MCPH1: variants seen among roughly 807,000 people sequenced by gnomAD.
MCPH1 encodes the protein microcephalin 1.
In MCPH1, 104 loss-of-function variants were observed where a neutral mutation model predicts 84.5. The observed-to-expected ratio is 1.23, with a 90% CI of 1.05 to 1.45. The LOEUF (loss-of-function observed/expected upper bound fraction) is 1.45. Among genes scored for constraint, MCPH1 ranks in the 40% most tolerant of loss-of-function variants. MCPH1 has a pLI of 0.00. For missense variants in MCPH1, 1,498 were observed against 1,005.7 expected, an observed-to-expected ratio of 1.49 and a Z score of -6.62; for synonymous variants, 514 against 366.8, an observed-to-expected ratio of 1.40 and a Z score of -4.58.
intron 12 of MCPH1, chr8:6,616,781 T>C (rs144848470): frequency 6.6e-6 from 1 of 152,412 alleles, no homozygotes; most frequent in African/African-American, 2.4e-5. Context: ...CTCTGACTAC[T>C]GAGCAGTCCT....
intron 11 of MCPH1, among the ~76,000 whole-genome samples, chr8:6,493,182 C>T (rs760146184): frequency 2.4e-4 from 36 of 152,180 alleles, no homozygotes; most frequent in Non-Finnish European, 1.0e-4. Context: ...CATGTGAGTA[C>T]AGTGGTGACA....
chr8:6,585,660 C>T lies in MCPH1; in HGVS notation c.2215-35794C>T, dbSNP rs139550657. Among the ~76,000 whole-genome samples, 709 of 152,278 alleles carry T rather than the reference C, an allele frequency of 4.7e-3. 4 individuals carry two copies. The highest frequency in any genetic ancestry group is 6.9e-3 in the Non-Finnish European group (471 of 68,014). On this transcript the variant is annotated intron_variant, in intron 12 of 13. Coordinates refer to ENST00000344683, the MANE Select transcript of MCPH1 (RefSeq NM_024596.5). The stretch of plus-strand genomic sequence containing the variant: ...TCACCTTAGTCATTTTGGCTGGATT[C>T]CCATACTCAATTAAATATCCTTCCT...
At chr8:6,406,948 C>G (rs1797803075) in intron 1 of MCPH1, 7 of 545,474 alleles carry the variant, frequency 1.3e-5, no homozygotes, top group Admixed American at 2.7e-5. Flanking sequence ...CCTGTCCCCC[C>G]AAACCCCCGA....
chr8:6,615,790 C>T (rs1830727451), intron 12 of MCPH1: 1 of 152,078 alleles, frequency 6.6e-6, no homozygotes. Flanking sequence ...GGACAGAGAA[C>T]AGGCTTGATG....
At chr8:6,578,354 T>C (rs2922861) in intron 12 of MCPH1, among the ~76,000 whole-genome samples, 85,725 of 152,072 alleles carry the variant, frequency 0.56, 24,624 homozygotes, top group East Asian at 0.87. Context: ...GCTTGAAGCC[T>C]AAAACTTTGG....
intron 12 of MCPH1, among the ~76,000 whole-genome samples, chr8:6,614,558 G>C (rs961895943): frequency 3.9e-5 from 6 of 152,224 alleles, no homozygotes; most frequent in Non-Finnish European, 8.8e-5. Flanking sequence ...TAAGTTATCA[G>C]AGGACATTAG....
At chr8:6,609,431 T>C (rs796349682) in intron 12 of MCPH1, among the ~76,000 whole-genome samples, 3 of 152,346 alleles carry the variant, frequency 2.0e-5, no homozygotes, top group African/African-American at 4.8e-5. Context: ...CCAAGACGAT[T>C]ATGTTCCCAT....
chr8:6,626,349 A>C, intron 13 of MCPH1: 1 of 985,046 alleles, frequency 1.0e-6, no homozygotes, highest in Non-Finnish European at 1.2e-6. Flanking sequence ...AAAGGGCATG[A>C]TTACGTTCCC....
intron 12 of MCPH1, among the ~76,000 whole-genome samples, chr8:6,549,604 T>C (rs2515494): frequency 0.99 from 148,666 of 150,450 alleles, 73,448 homozygotes; most frequent in Non-Finnish European, 1. Flanking sequence ...GCATCTTGAG[T>C]TGGGCGGTCG....
At chr8:6,457,708 G>A (rs944973651) in intron 9 of MCPH1, among the ~76,000 whole-genome samples, 3 of 152,160 alleles carry the variant, frequency 2.0e-5, no homozygotes, top group African/African-American at 2.4e-5. Context: ...TGGAGGGGAC[G>A]AACACCTAGT....
chr8:6,502,818 T>A (rs925281161), intron 12 of MCPH1: 6 of 427,042 alleles, frequency 1.4e-5, no homozygotes, highest in South Asian at 3.4e-5. Context: ...GACAGCAGCG[T>A]CTGTAAACTG....
rs554658054 is a variant in MCPH1 at position 6,468,507 on chromosome 8, C to T, written c.1936-9087C>T. On this transcript the variant is annotated intron_variant, in intron 9 of 13. Transcript: ENST00000344683. ...TCCACAAGGAGCAAGGAGCTAGGTG[C>T]ATGTGTAGACCCCATGGGAGCTTTA... 2.9e-4 allele frequency among the ~76,000 whole-genome samples: 44 copies of T among 152,312 alleles called. 1 individual carries two copies. In the South Asian group the frequency reaches 7.9e-3, roughly 27 times the overall value.
At chr8:6,425,008 C>G (rs1489992594) in intron 3 of MCPH1, among the ~76,000 whole-genome samples, 5 of 152,198 alleles carry the variant, frequency 3.3e-5, no homozygotes, top group African/African-American at 1.2e-4. Context: ...GATACTGGTG[C>G]TGGGCAGTTT....
chr8:6,548,386 G>A (rs140966655), intron 12 of MCPH1, among the ~76,000 whole-genome samples: 12 of 152,218 alleles, frequency 7.9e-5, no homozygotes, highest in African/African-American at 1.9e-4. Flanking sequence ...GAAATTTCCC[G>A]AAAATGGCAG....
At chr8:6,460,547 G>C (rs906362881) in intron 9 of MCPH1, among the ~76,000 whole-genome samples, 1 of 151,940 alleles carries the variant, frequency 6.6e-6, no homozygotes, top group Non-Finnish European at 1.5e-5. Context: ...CCAGTTCTCT[G>C]TCAAAATTAT....
intron 12 of MCPH1, among the ~76,000 whole-genome samples, chr8:6,614,133 C>T (rs1339278260): frequency 1.3e-5 from 2 of 152,192 alleles, no homozygotes; most frequent in Non-Finnish European, 2.9e-5. Flanking sequence ...AGGTTAGACT[C>T]CTAAAAATGT....
intron 12 of MCPH1, among the ~76,000 whole-genome samples, chr8:6,559,834 A>C (rs1290569292): frequency 6.6e-6 from 1 of 151,748 alleles, no homozygotes; most frequent in Non-Finnish European, 1.5e-5. Context: ...GGTCCACTGC[A>C]GTGTGTTTTG....
intron 12 of MCPH1, among the ~76,000 whole-genome samples, chr8:6,503,769 A>G (rs2129563625): frequency 6.6e-6 from 1 of 152,336 alleles, no homozygotes; most frequent in East Asian, 1.9e-4. Flanking sequence ...TTCAGAGACA[A>G]AAAGGAAATT....
chr8:6,469,427 C>G (rs1046789880), intron 9 of MCPH1, among the ~76,000 whole-genome samples: 3 of 152,034 alleles, frequency 2.0e-5, no homozygotes, highest in Admixed American at 6.6e-5. Context: ...ATATAATATC[C>G]TCAGGATGGG....
Sources: allele counts gnomAD v4.1 joint callset (sites outside exome capture counted in the v4.1 genomes callset), GRCh38; gene constraint gnomAD v4.1.1; transcripts MANE v1.5; gene names NCBI Gene and HGNC (gene_info 2026-07-23, HGNC 2026-07-21).